KCNK2: variants seen among roughly 807,000 people sequenced by gnomAD.
KCNK2 encodes potassium channel subfamily K member 2.
Under a neutral mutation model 40.5 loss-of-function variants are expected in KCNK2, and 21 were observed. That is an observed-to-expected ratio of 0.52 (90% CI 0.37 to 0.75). The LOEUF (loss-of-function observed/expected upper bound fraction) is 0.75, where lower values mean the gene tolerates loss of function less well. Among genes scored for constraint, KCNK2 ranks in the 30% least tolerant of loss-of-function variants. The pLI is 0.00. For missense variants in KCNK2, 399 were observed against 531.6 expected (o/e 0.75, Z 2.45); for synonymous variants, 191 against 202.2 (o/e 0.94, Z 0.47).
At chr1:215,185,075 T>A (rs976282925) in intron 5 of KCNK2, among the ~76,000 whole-genome samples, 6 of 152,122 alleles carry the variant, frequency 3.9e-5, no homozygotes, top group Non-Finnish European at 8.8e-5. Context: ...AATAATCAAA[T>A]AAACAACTTT....
chr1:215,019,377 T>C (rs1471583301), intron 1 of KCNK2, among the ~76,000 whole-genome samples: 3 of 152,228 alleles, frequency 2.0e-5, no homozygotes, highest in Non-Finnish European at 4.4e-5. Context: ...CCTGTTTGTA[T>C]GTAAAAAGGA....
chr1:215,043,017 T>C (rs1430929065), intron 1 of KCNK2, among the ~76,000 whole-genome samples: 1 of 152,192 alleles, frequency 6.6e-6, no homozygotes, highest in African/African-American at 2.4e-5. Context: ...GTGTATTCCC[T>C]ACTCTCCAGG....
intron 6 of KCNK2, among the ~76,000 whole-genome samples, chr1:215,218,357 A>T (rs1306880649): frequency 6.6e-6 from 1 of 152,140 alleles, no homozygotes; most frequent in East Asian, 1.9e-4. Flanking sequence ...TATTTTATAA[A>T]TCAACCACAT....
intron 3 of KCNK2, among the ~76,000 whole-genome samples, chr1:215,156,292 T>A (rs914452602): frequency 6.6e-6 from 1 of 152,218 alleles, no homozygotes; most frequent in Non-Finnish European, 1.5e-5. Context: ...GAGCAGCATA[T>A]GCAGGCCTCC....
chr1:215,055,916 A>G (rs1481278699), intron 1 of KCNK2, among the ~76,000 whole-genome samples: 1 of 152,190 alleles, frequency 6.6e-6, no homozygotes, highest in East Asian at 1.9e-4. Flanking sequence ...TTTATGTACA[A>G]TGGCTTGTGG....
intron 1 of KCNK2, among the ~76,000 whole-genome samples, chr1:215,043,160 G>A (rs576557613): frequency 6.6e-6 from 1 of 152,270 alleles, no homozygotes; most frequent in East Asian, 1.9e-4. Context: ...AGAAGTGTTA[G>A]AAAAGATGTG....
chr1:215,117,499 T>G (rs1660997531), intron 2 of KCNK2, among the ~76,000 whole-genome samples: 1 of 151,984 alleles, frequency 6.6e-6, no homozygotes, highest in Admixed American at 6.6e-5. Flanking sequence ...TCTGCAGTAA[T>G]AAATATCATA....
rs111508409 is a variant in KCNK2 at position 215,011,464 on chromosome 1, T to G, written c.34+5509T>G. 8.2e-3 allele frequency among the ~76,000 whole-genome samples: 1,250 copies of G among 151,914 alleles called. 16 individuals are homozygous for G. Among genetic ancestry groups the G allele is most frequent in the African/African-American group, 0.028 (1,177 of 41,406 alleles). On this transcript the variant is annotated intron_variant, in intron 1 of 6. Coordinates refer to the KCNK2 transcript ENST00000391895. The stretch of plus-strand genomic sequence containing the variant: ...ACACGCCACCACATCGGCTAAATTT[T>G]TATATTTTTAGTAGAGATGGGGTTT...
chr1:215,008,864 C>CT (rs562196009), intron 1 of KCNK2, among the ~76,000 whole-genome samples: 1,729 of 150,838 alleles, frequency 0.011, 23 homozygotes, highest in South Asian at 0.075. Flanking sequence ...AGAATGCATG[C>CT]TTTTTTTTTA....
In KCNK2 at chr1:215,083,225, C is replaced by A. The variant is rs533944882; in HGVS notation, c.-161C>A. 3.8e-6 allele frequency: 6 copies of A among 1,590,120 alleles called. No individual in the cohort carries two copies. Among genetic ancestry groups the A allele is most frequent in the Middle Eastern group, 1.9e-4 (1 of 5,278 alleles). Reference sequence around the variant, plus strand: ...CCCCGCCCCCTCCCGCGTCCAGCCCCGCTCTCCCCACCTTGTAAAACAAAG... The same window carrying A: ...CCCCGCCCCCTCCCGCGTCCAGCCCAGCTCTCCCCACCTTGTAAAACAAAG... On this transcript the variant is annotated 5_prime_UTR_variant, in exon 1 of 7. Transcript: ENST00000444842.
chr1:215,085,241 A>G (rs1659378147), intron 1 of KCNK2, among the ~76,000 whole-genome samples: 1 of 152,174 alleles, frequency 6.6e-6, no homozygotes, highest in Non-Finnish European at 1.5e-5. Context: ...AATCTGTAGC[A>G]ATTATGGACT....
intron 2 of KCNK2, among the ~76,000 whole-genome samples, chr1:215,119,125 A>G (rs758540167): frequency 1.3e-5 from 2 of 152,158 alleles, no homozygotes; most frequent in Non-Finnish European, 2.9e-5. Flanking sequence ...TTCTTCTTTA[A>G]TGAAAACATG....
At chr1:215,062,460 A>T (rs1313718166) in intron 1 of KCNK2, among the ~76,000 whole-genome samples, 1 of 151,940 alleles carries the variant, frequency 6.6e-6, no homozygotes, top group Non-Finnish European at 1.5e-5. Flanking sequence ...CACAGGTGGA[A>T]CACACTGGGA....
chr1:215,112,555 T>C (rs1660741898), intron 2 of KCNK2, among the ~76,000 whole-genome samples: 1 of 152,174 alleles, frequency 6.6e-6, no homozygotes, highest in South Asian at 2.1e-4. Context: ...AGATTCAGTG[T>C]ACCCTAAGTG....
chr1:215,081,469 G>A (rs141413361), upstream of KCNK2, among the ~76,000 whole-genome samples: 1,297 of 131,524 alleles, frequency 9.9e-3, 23 homozygotes, highest in African/African-American at 0.031. Context: ...CAGCAGGAAG[G>A]ATATTAGGAA....
At chr1:215,211,879 T>A (rs945658116) in intron 6 of KCNK2, among the ~76,000 whole-genome samples, 1 of 152,194 alleles carries the variant, frequency 6.6e-6, no homozygotes, top group African/African-American at 2.4e-5. Context: ...TGTTCATTTT[T>A]AAAAATGTTT....
At chr1:215,114,910 A>G (rs888640392) in intron 2 of KCNK2, among the ~76,000 whole-genome samples, 4 of 151,988 alleles carry the variant, frequency 2.6e-5, no homozygotes, top group Admixed American at 6.6e-5. Context: ...ATGTCTTAGT[A>G]TAGTGCCTTT....
intron 3 of KCNK2, among the ~76,000 whole-genome samples, chr1:215,150,405 A>T (rs1662635810): frequency 6.6e-6 from 1 of 152,138 alleles, no homozygotes; most frequent in Admixed American, 6.6e-5. Context: ...CAATTTCTCC[A>T]TCACTATTAA....
intron 3 of KCNK2, among the ~76,000 whole-genome samples, chr1:215,152,822 C>T (rs1662740722): frequency 6.6e-6 from 1 of 150,834 alleles, no homozygotes; most frequent in African/African-American, 2.5e-5. Context: ...GTTCTACCTC[C>T]CACATGTTTA....
Sources: allele counts gnomAD v4.1 joint callset (sites outside exome capture counted in the v4.1 genomes callset), GRCh38; gene constraint gnomAD v4.1.1; transcripts MANE v1.5; gene names NCBI Gene and HGNC (gene_info 2026-07-23, HGNC 2026-07-21).